The following CCNT2 variants were observed in gnomAD, a reference collection of about 807,000 sequenced individuals.
CCNT2 encodes cyclin-T2.
Under a neutral mutation model 70.0 loss-of-function variants are expected in CCNT2, and 18 were observed. That is an observed-to-expected ratio of 0.26 (90% CI 0.18 to 0.38). The LOEUF is 0.38. Ranked by LOEUF, CCNT2 falls within the 10% of genes least tolerant of loss-of-function variation. CCNT2 has a pLI of 1.00. For synonymous variants in CCNT2, 334 were observed against 313.3 expected, an observed-to-expected ratio of 1.07 and a Z score of -0.70; for missense variants, 734 against 890.2, an observed-to-expected ratio of 0.82 and a Z score of 2.23.
intron 4 of CCNT2, among the ~76,000 whole-genome samples, chr2:134,942,365 C>A (rs1015375297): frequency 6.6e-6 from 1 of 151,824 alleles, no homozygotes; most frequent in Non-Finnish European, 1.5e-5. Flanking sequence ...AAGATAATCC[C>A]GAATCATTTA....
chr2:134,923,187 A>C (rs1339245801), intron 2 of CCNT2, among the ~76,000 whole-genome samples: 1 of 152,214 alleles, frequency 6.6e-6, no homozygotes, highest in Non-Finnish European at 1.5e-5. Flanking sequence ...AGGCTGAGGC[A>C]GGAGAATCAC....
chr2:134,936,910 A>C lies in CCNT2; in HGVS notation c.310A>C (p.Ile104Leu), dbSNP rs1454050768. The change falls in exon 3 of 9, where the codon ATC becomes CTC. Residue 104 changes from isoleucine to leucine, a missense_variant. Transcript: ENST00000264157. ...ACAGGCTCGAAAACTTGAACATGTTATCAAAGTAGCACATGCTTGTCTTCA... is the reference window on the plus strand; with the variant it reads ...ACAGGCTCGAAAACTTGAACATGTTCTCAAAGTAGCACATGCTTGTCTTCA... ...EEQARKLEHV[I>L]KVAHACLHPL... 6.2e-7 allele frequency: 1 copy of C among 1,611,370 alleles called. No individual in the cohort carries two copies. The highest frequency in any genetic ancestry group is 8.5e-7 in the Non-Finnish European group (1 of 1,177,626).
chr2:134,943,119 T>C, intron 5 of CCNT2: 1 of 984,542 alleles, frequency 1.0e-6, no homozygotes, highest in Non-Finnish European at 1.2e-6. Context: ...GTTAAAAGAT[T>C]TGTCAGTACG....
At chr2:134,946,812 C>G (rs1162776195) in intron 6 of CCNT2, among the ~76,000 whole-genome samples, 5 of 151,700 alleles carry the variant, frequency 3.3e-5, no homozygotes, top group African/African-American at 1.2e-4. Context: ...TCTTAAGGAG[C>G]CTTTAATATA....
chr2:134,954,664 A>C lies in CCNT2; in HGVS notation c.*16A>C, dbSNP rs764944183. ...GAACATGTAATAATTTGTTTAGGTCAATTTTTCCTTTACTTTTTTAATTTA... is the reference window on the plus strand; with the variant it reads ...GAACATGTAATAATTTGTTTAGGTCCATTTTTCCTTTACTTTTTTAATTTA... On this transcript the variant is annotated 3_prime_UTR_variant, in exon 9 of 9. Coordinates refer to ENST00000264157, the MANE Select transcript of CCNT2 (RefSeq NM_058241.3). 3 of 1,520,222 alleles carry C rather than the reference A, an allele frequency of 2.0e-6. No individual in the cohort carries two copies. The highest frequency in any genetic ancestry group is 2.8e-5 in the African/African-American group (2 of 72,298). 94.2% of individuals were successfully genotyped at this position (1,520,222 alleles called of 1,614,324 possible).
chr2:134,956,195 C>G lies in CCNT2; in HGVS notation c.*1547C>G, dbSNP rs924955143. ...TATTTTTGTTACAAAGCCACTGATA[C>G]GTGCACAATTGTAATTAAGTATGTT... On this transcript the variant is annotated 3_prime_UTR_variant, in exon 9 of 9. Transcript: ENST00000264157. The G allele has an allele frequency of 5.2e-5, 8 of 152,570 alleles. No individual in the cohort carries two copies. Among genetic ancestry groups the G allele is most frequent in the African/African-American group, 1.9e-4 (8 of 41,450 alleles). 9.5% of individuals were successfully genotyped at this position (152,570 alleles called of 1,614,324 possible). A position where few individuals can be genotyped will look rare whatever the true frequency, so the allele number is the denominator to read the frequency against.
In CCNT2 at chr2:134,958,557, C is replaced by CA. The variant is rs1156357213; in HGVS notation, c.*3911dup. ...CAGCACATTCTCTGACCTTGGGTACCAAGCTATGATACTAATTTGAGAATC... is the reference window on the plus strand; with the variant it reads ...CAGCACATTCTCTGACCTTGGGTACCAAAGCTATGATACTAATTTGAGAATC... On this transcript the variant is annotated 3_prime_UTR_variant, in exon 9 of 9. Coordinates refer to ENST00000264157, the MANE Select transcript of CCNT2 (RefSeq NM_058241.3). 6.6e-6 allele frequency: 1 copy of CA among 152,164 alleles called. No homozygotes were observed. The highest frequency in any genetic ancestry group is 1.5e-5 in the Non-Finnish European group (1 of 68,038). 9.4% of individuals were successfully genotyped at this position (152,164 alleles called of 1,614,324 possible). A position where few individuals can be genotyped will look rare whatever the true frequency, so the allele number is the denominator to read the frequency against.
At chr2:134,935,339 T>C (rs1031749593) in intron 2 of CCNT2, among the ~76,000 whole-genome samples, 1 of 152,256 alleles carries the variant, frequency 6.6e-6, no homozygotes, top group Non-Finnish European at 1.5e-5. Flanking sequence ...GAAAACTTCT[T>C]AAAGTCATTT....
Position 134,933,705 on chromosome 2 carries a change from A to G in CCNT2, c.241-3136A>G, listed in dbSNP as rs1048462415. 1.7e-4 allele frequency among the ~76,000 whole-genome samples: 26 copies of G among 152,178 alleles called. 1 individual carries two copies. The highest frequency in any genetic ancestry group is 1.7e-3 in the Admixed American group (26 of 15,286). ...GAAAGGAAGAAGGTGAGCAAGAGAG[A>G]AGGGAATTTAAAAAATACACTTGTT... On this transcript the variant is annotated intron_variant, in intron 2 of 8. Transcript: ENST00000264157.
intron 5 of CCNT2, chr2:134,943,694 T>C (rs960152818): frequency 1.0e-6 from 1 of 985,022 alleles, no homozygotes. Flanking sequence ...ATCTGTTGTA[T>C]CCCTAGAAAT....
chr2:134,922,872 GTCTGTTC>G (rs1204906730), intron 2 of CCNT2, among the ~76,000 whole-genome samples: 1 of 152,076 alleles, frequency 6.6e-6, no homozygotes, highest in Non-Finnish European at 1.5e-5. Flanking sequence ...GTTGGTCATG[GTCTGTTC>G]TCATAGCACA....
chr2:134,954,459 TCCTCCCCCTGTC>T lies in CCNT2; in HGVS notation c.2005_2016del (p.Pro669_Val672del). On this transcript the variant is annotated inframe_deletion, in exon 9 of 9. Transcript: ENST00000264157. ...CTGTTTTTAACCATCCCTTACCCCC[TCCTCCCCCTGTC>T]ACATACCAGGTGGGCTACGGACATC... 6.2e-7 allele frequency: 1 copy of T among 1,613,902 alleles called. No individual in the cohort carries two copies. Among genetic ancestry groups the T allele is most frequent in the Non-Finnish European group, 8.5e-7 (1 of 1,179,956 alleles).
chr2:134,919,987 C>T (rs143823964), intron 2 of CCNT2, 96 bp downstream of exon 2: 2 of 785,560 alleles, frequency 2.5e-6, no homozygotes, highest in Middle Eastern at 3.4e-4. Flanking sequence ...ATTTAGTGTT[C>T]TGAATTAACG....
At chr2:134,944,898 T>C in intron 5 of CCNT2, 2 of 985,314 alleles carry the variant, frequency 2.0e-6, no homozygotes, top group Non-Finnish European at 2.4e-6. Flanking sequence ...TATTATTTTT[T>C]CCTTCTCTAC....
rs1234751301 is a variant in CCNT2 at position 134,953,855 on chromosome 2, A to C, written c.1400A>C (p.Gln467Pro). The change falls in exon 9 of 9, where the codon CAA becomes CCA. Residue 467 changes from glutamine to proline, a missense_variant. Coordinates refer to ENST00000264157, the MANE Select transcript of CCNT2 (RefSeq NM_058241.3). Reference protein sequence around the residue: ...IAAQVEQQHKQGQSQAASSSS... With the variant: ...IAAQVEQQHKPGQSQAASSSS... Reference sequence around the variant, plus strand: ...GCCCAGGTAGAACAGCAGCACAAACAAGGGCAGTCACAGGCAGCCAGCAGC... The same window carrying C: ...GCCCAGGTAGAACAGCAGCACAAACCAGGGCAGTCACAGGCAGCCAGCAGC... 1.9e-6 allele frequency: 3 copies of C among 1,614,148 alleles called. No individual in the cohort carries two copies. In the Admixed American group the frequency reaches 5.0e-5, roughly 27 times the overall value.
rs774344933 is a variant in CCNT2, at chr2:134,954,107, A to T, written c.1652A>T (p.His551Leu). 1.2e-6 allele frequency: 2 copies of T among 1,614,098 alleles called. No individual in the cohort carries two copies. The highest frequency in any genetic ancestry group is 1.7e-6 in the Non-Finnish European group (2 of 1,180,040). The stretch of plus-strand genomic sequence containing the variant: ...GGGAAGAGCAAACATTCAAGCCCAC[A>T]TATTAGCAGAGACCATAAGGAGAAG... ...GSGKSKHSSP[H>L]ISRDHKEKHK... Residue 551 changes from histidine (H) to leucine (L), a missense_variant, in exon 9 of 9, where the codon CAT (histidine) becomes CTT (leucine). His to Leu is a moderately conservative substitution (Grantham distance 99). This residue lies in a region of CCNT2 where 532 missense variants were observed against 556.9 expected (regional missense o/e 0.96). Coordinates refer to ENST00000264157, the MANE Select transcript of CCNT2 (RefSeq NM_058241.3).
At chr2:134,928,341 C>T (rs1012073300) in intron 2 of CCNT2, among the ~76,000 whole-genome samples, 1 of 142,192 alleles carries the variant, frequency 7.0e-6, no homozygotes, top group African/African-American at 2.6e-5. Context: ...TGCAATGGCG[C>T]GATCTCGGCT....
intron 8 of CCNT2, 165 bp from the exon 9 acceptor site, chr2:134,953,065 C>A: frequency 1.8e-6 from 1 of 557,904 alleles, no homozygotes; most frequent in Non-Finnish European, 3.1e-6. Context: ...CCTTTTATGC[C>A]TCTAAGGCAT....
rs549877096 is a variant in CCNT2, at chr2:134,957,718, C to G, written c.*3070C>G. On this transcript the variant is annotated 3_prime_UTR_variant, in exon 9 of 9. Coordinates refer to ENST00000264157, the MANE Select transcript of CCNT2 (RefSeq NM_058241.3). ...TACCAAAAAAGTCCTGTTGTCAGCC[C>G]TAGGTTTATCTTTGAAAGCAGTTAA... The G allele has an allele frequency of 6.6e-6, 1 of 152,284 alleles. No homozygotes were observed. The highest frequency in any genetic ancestry group is 2.4e-5 in the African/African-American group (1 of 41,550). 9.4% of individuals were successfully genotyped at this position (152,284 alleles called of 1,614,324 possible). A position where few individuals can be genotyped will look rare whatever the true frequency, so the allele number is the denominator to read the frequency against.
Sources: gnomAD v4.1 joint callset for allele counts (sites outside exome capture counted in the v4.1 genomes callset) on GRCh38, gnomAD v4.1.1 for gene constraint, gnomAD v4.1.1 regional missense constraint, MANE v1.5 for transcripts, NCBI Gene and HGNC (gene_info 2026-07-23, HGNC 2026-07-21) for gene names.